The following UTP20 variants were observed in gnomAD, a reference collection of about 807,000 sequenced individuals.
UTP20 encodes UTP20 small subunit processome component.
A neutral mutation model predicts 329.5 loss-of-function variants in UTP20; 164 were observed. That is an observed-to-expected ratio of 0.50 (90% CI 0.44 to 0.57). The LOEUF (loss-of-function observed/expected upper bound fraction) is 0.57. Among genes scored for constraint, UTP20 ranks in the 20% least tolerant of loss-of-function variants. The probability of loss-of-function intolerance (pLI) is 0.00; values close to 1 mark genes in which losing one functional copy is unlikely to be tolerated. For synonymous variants in UTP20, 1,151 were observed against 1,159.3 expected (o/e 0.99, Z 0.14); for missense variants, 3,055 against 3,284.2 (o/e 0.93, Z 1.71).
At chr12:101,381,250 G>A (rs369802354) in intron 58 of UTP20, 39 bp downstream of exon 58, 92 of 1,559,172 alleles carry the variant, frequency 5.9e-5, no homozygotes, top group Middle Eastern at 3.3e-4. Flanking sequence ...AGAAGGGGCC[G>A]GCTGGGCATG....
At chr12:101,366,110 T>C (rs1157687630) in intron 46 of UTP20, among the ~76,000 whole-genome samples, 2 of 152,090 alleles carry the variant, frequency 1.3e-5, no homozygotes, top group Admixed American at 1.3e-4. Context: ...TGGGCACCTG[T>C]AATCCCAGCT....
At position 101,321,563 on chromosome 12, in the gene UTP20, G is replaced by C; in HGVS notation, c.2975G>C (p.Ser992Thr). Residue 992 changes from serine (S) to threonine (T), a missense_variant, in exon 25 of 62, where the codon AGC becomes ACC. Physicochemically the swap from Ser to Thr is moderately conservative, Grantham distance 58. Coordinates refer to ENST00000261637, the MANE Select transcript of UTP20 (RefSeq NM_014503.3). Reference sequence around the variant, plus strand: ...TTTAAGGAAGAGATAGTGCATTTTAGCATTTCAGAAGATAATGCTGTAGTG... The same window carrying C: ...TTTAAGGAAGAGATAGTGCATTTTACCATTTCAGAAGATAATGCTGTAGTG... ...RSFKEEIVHF[S>T]ISEDNAVVKT... 1 of 1,613,612 alleles carries C rather than the reference G, an allele frequency of 6.2e-7. No individual in the cohort carries two copies. Among genetic ancestry groups the C allele is most frequent in the Non-Finnish European group, 8.5e-7 (1 of 1,179,774 alleles).
chr12:101,368,290 G>A (rs1230924658), intron 48 of UTP20, among the ~76,000 whole-genome samples: 2 of 151,716 alleles, frequency 1.3e-5, no homozygotes, highest in African/African-American at 4.8e-5. Flanking sequence ...ACACCACCAC[G>A]CCCGGCTAAC....
intron 43 of UTP20, among the ~76,000 whole-genome samples, chr12:101,361,496 G>A (rs1869915834): frequency 6.6e-6 from 1 of 151,676 alleles, no homozygotes; most frequent in African/African-American, 2.4e-5. Context: ...CACGATGCCG[G>A]GTGACTGTAA....
chr12:101,286,453 A>G lies in UTP20; in HGVS notation c.459A>G (p.Ser153=), dbSNP rs1480060026. Reference sequence around the variant, plus strand: ...TAGAATGGGCTTTCACCTCGTTATCATATCTTTATAAGTACCTGTGGAGAC... The same window carrying G: ...TAGAATGGGCTTTCACCTCGTTATCGTATCTTTATAAGTACCTGTGGAGAC... The part of the protein sequence containing the change: ...ELLEWAFTSL[S]YLYKYLWRLM... The change falls in exon 5 of 62, where the codon TCA becomes TCG. Residue 153 remains serine, a synonymous_variant. Transcript: ENST00000261637. 1.4e-5 allele frequency: 22 copies of G among 1,613,856 alleles called. No homozygotes were observed. Among genetic ancestry groups the G allele is most frequent in the East Asian group, 4.5e-5 (2 of 44,890 alleles).
Position 101,369,710 on chromosome 12 carries a change from G to GTTTTTT in UTP20, c.6385-9_6385-4dup. 6.8e-7 allele frequency: 1 copy of GTTTTTT among 1,462,966 alleles called. No homozygotes were observed. Among genetic ancestry groups the GTTTTTT allele is most frequent in the Non-Finnish European group, 9.6e-7 (1 of 1,044,030 alleles). The allele number at this position is 1,462,966 out of a possible 1,614,324, so 90.6% of individuals were successfully genotyped here. On this transcript the variant is annotated splice_polypyrimidine_tract_variant and intron_variant, in intron 48 of 61. Coordinates refer to ENST00000261637, the MANE Select transcript of UTP20 (RefSeq NM_014503.3). ...TCACAAGTTGGTGGTGTTTTGTTTT[G>GTTTTTT]TTTTTTTCAGGTGATCACAGGTGCT...
chr12:101,286,462 T>C lies in UTP20; in HGVS notation c.468T>C (p.Tyr156=), dbSNP rs1871964960. ...CTTTCACCTCGTTATCATATCTTTA[T>C]AAGTACCTGTGGAGACTGATGGTGA... ...EWAFTSLSYL[Y]KYLWRLMVKD... is the part of the protein sequence containing the mutation. The change falls in exon 5 of 62, where the codon TAT becomes TAC. Residue 156 remains tyrosine, a synonymous_variant. Transcript: ENST00000261637. 6.2e-7 allele frequency: 1 copy of C among 1,614,032 alleles called. No homozygotes were observed.
At position 101,366,648 on chromosome 12, in the gene UTP20, T is replaced by C; in HGVS notation, c.6216T>C (p.Ala2072=). The C allele has an allele frequency of 6.2e-7, 1 of 1,614,176 alleles. No individual in the cohort carries two copies. Among genetic ancestry groups the C allele is most frequent in the Non-Finnish European group, 8.5e-7 (1 of 1,180,042 alleles). ...PPTPVRGGQK[A]VVSRKTNMHI... is the part of the protein sequence containing the mutation. ...CTCCAGTTCGAGGTGGACAGAAAGC[T>C]GTTGTGAGCAGGAAAACCAACATGC... Residue 2072 remains alanine (A), a synonymous_variant, in exon 47 of 62, where the codon GCT becomes GCC. Transcript: ENST00000261637.
chr12:101,330,303 T>A (rs7973083), intron 27 of UTP20, among the ~76,000 whole-genome samples: 31,786 of 151,998 alleles, frequency 0.21, 3,782 homozygotes, highest in East Asian at 0.37. Flanking sequence ...GGAATGGTCT[T>A]GACATGTTGT....
chr12:101,302,375 T>C (rs377140314), intron 14 of UTP20, 73 bp from the exon 15 acceptor site: 1 of 876,654 alleles, frequency 1.1e-6, no homozygotes. Flanking sequence ...AAGTATTCAA[T>C]AAATAAGGTG....
chr12:101,286,613 C>A, intron 5 of UTP20, 104 bp downstream of exon 5: 2 of 962,122 alleles, frequency 2.1e-6, no homozygotes, highest in African/African-American at 1.7e-5. Context: ...CTAATTGTTT[C>A]CATGTACAAA....
At chr12:101,385,479 G>T in intron 60 of UTP20, 104 bp from the exon 61 acceptor site, 20 of 1,372,680 alleles carry the variant, frequency 1.5e-5, no homozygotes, top group Non-Finnish European at 2.0e-5. Context: ...TTTCTTGCCA[G>T]ATCAGTAGCT....
At chr12:101,333,501 A>T in intron 28 of UTP20, 57 bp downstream of exon 28, 1 of 1,577,324 alleles carries the variant, frequency 6.3e-7, no homozygotes, top group Admixed American at 1.8e-5. Context: ...TTTATTACTA[A>T]CTCACCAACA....
chr12:101,304,510 C>G (rs566800854), intron 15 of UTP20, among the ~76,000 whole-genome samples: 93 of 152,350 alleles, frequency 6.1e-4, no homozygotes, highest in African/African-American at 1.9e-3. Flanking sequence ...CTGGTCTGAA[C>G]TCCTTTCTTC....
At chr12:101,363,956 A>G (rs531826076) in intron 45 of UTP20, among the ~76,000 whole-genome samples, 54 of 152,330 alleles carry the variant, frequency 3.5e-4, no homozygotes, top group African/African-American at 1.3e-3. Context: ...AAAGGCAACA[A>G]GAATTGAGTG....
chr12:101,350,522 G>A (rs1869481830), intron 38 of UTP20, among the ~76,000 whole-genome samples: 1 of 152,086 alleles, frequency 6.6e-6, no homozygotes, highest in Non-Finnish European at 1.5e-5. Context: ...ACATTTGGAT[G>A]TCTTTAAGTA....
At chr12:101,335,755 C>T (rs1868912974) in intron 29 of UTP20, among the ~76,000 whole-genome samples, 1 of 152,096 alleles carries the variant, frequency 6.6e-6, no homozygotes, top group Non-Finnish European at 1.5e-5. Flanking sequence ...CTTCATGTTA[C>T]TAGTCTTCAG....
chr12:101,286,535 T>C, intron 5 of UTP20, 26 bp downstream of exon 5: 1 of 1,493,718 alleles, frequency 6.7e-7, no homozygotes, highest in Non-Finnish European at 9.0e-7. Flanking sequence ...CTCTAGTATG[T>C]TTTTTAATTG....
chr12:101,286,528 T>G lies in UTP20; in HGVS notation c.515+19T>G. On this transcript the variant is annotated intron_variant, in intron 5 of 61. Coordinates refer to ENST00000261637, the MANE Select transcript of UTP20 (RefSeq NM_014503.3). ...TATACAGGTAACCCCTTTCTCTCTC[T>G]AGTATGTTTTTTAATTGCCTGCTTC... is the stretch of plus-strand genomic sequence containing the variant. The G allele has an allele frequency of 6.0e-6, 9 of 1,512,066 alleles. No individual in the cohort carries two copies. Among genetic ancestry groups the G allele is most frequent in the Non-Finnish European group, 8.0e-6 (9 of 1,126,348 alleles). The allele number at this position is 1,512,066 out of a possible 1,614,324, so 93.7% of individuals were successfully genotyped here.
Sources: allele counts gnomAD v4.1 joint callset (sites outside exome capture counted in the v4.1 genomes callset), GRCh38; gene constraint gnomAD v4.1.1; transcripts MANE v1.5; gene names NCBI Gene and HGNC (gene_info 2026-07-23, HGNC 2026-07-21).